The following RIOK1 variants were observed in gnomAD, a reference collection of about 807,000 sequenced individuals.
The protein encoded by RIOK1 is serine/threonine-protein kinase RIO1.
RIOK1 carries 66 observed loss-of-function variants against 73.5 expected under a neutral mutation model. The ratio of observed to expected loss-of-function variants is 0.90; its 90% CI spans 0.74 to 1.10. The LOEUF (loss-of-function observed/expected upper bound fraction) is 1.10, where lower values mean the gene tolerates loss of function less well. RIOK1 is among the 50% of genes least tolerant of loss of function. RIOK1 has a pLI of 0.00. For synonymous variants in RIOK1, 224 were observed against 226.8 expected (o/e 0.99, Z 0.11); for missense variants, 658 against 699.8 (o/e 0.94, Z 0.67).
intron 1 of RIOK1, among the ~76,000 whole-genome samples, chr6:7,390,498 A>C (rs546578014): frequency 1.2e-4 from 18 of 152,364 alleles, no homozygotes; most frequent in African/African-American, 4.1e-4. Flanking sequence ...AAGAGAGGGC[A>C]CACCATTTAA....
chr6:7,404,610 A>T, intron 10 of RIOK1, 55 bp downstream of exon 10: 1 of 1,578,612 alleles, frequency 6.3e-7, no homozygotes. Flanking sequence ...TGTCCTTTAA[A>T]ATGATAAACA....
intron 2 of RIOK1, among the ~76,000 whole-genome samples, chr6:7,394,615 G>C (rs1162179834): frequency 6.6e-6 from 1 of 152,170 alleles, no homozygotes; most frequent in South Asian, 2.1e-4. Flanking sequence ...TAGCACCAGC[G>C]TAAGTGCTGA....
chr6:7,417,453 T>C lies in RIOK1; in HGVS notation c.*12T>C. 6.9e-7 allele frequency: 1 copy of C among 1,446,620 alleles called. No homozygotes were observed. The highest frequency in any genetic ancestry group is 9.4e-7 in the Non-Finnish European group (1 of 1,067,330). 89.6% of individuals were successfully genotyped at this position (1,446,620 alleles called of 1,614,324 possible). On this transcript the variant is annotated 3_prime_UTR_variant, in exon 17 of 17. Transcript: ENST00000379834. ...AAAAAGGCAAATAGAATGAGAACCA[T>C]ATTATGTACAGTCATTTTCCTCAGT...
chr6:7,405,014 C>T lies in RIOK1; in HGVS notation c.1089C>T (p.Asn363=), dbSNP rs759988992. The part of the protein sequence containing the change: ...ALEFLRKDCA[N]VNDFFMRHSV... ...AGTTCTTGAGAAAGGATTGCGCCAA[C>T]GTCAATGGTGAGTAGAAACGGCAAT... The change falls in exon 11 of 17, where the codon AAC becomes AAT. Residue 363 remains asparagine (N), a synonymous_variant. Transcript: ENST00000379834. The T allele has an allele frequency of 2.5e-6, 4 of 1,613,422 alleles. No individual in the cohort carries two copies. Among genetic ancestry groups the T allele is most frequent in the South Asian group, 1.1e-5 (1 of 90,976 alleles).
At chr6:7,399,380 G>A (rs1000132764) in intron 5 of RIOK1, among the ~76,000 whole-genome samples, 57 of 152,050 alleles carry the variant, frequency 3.7e-4, no homozygotes, top group African/African-American at 1.4e-3. Flanking sequence ...ACAGAAGCCG[G>A]GTCTGTGGTC....
intron 3 of RIOK1, among the ~76,000 whole-genome samples, chr6:7,396,222 T>C (rs1412518665): frequency 2.6e-5 from 4 of 152,208 alleles, no homozygotes; most frequent in Admixed American, 6.5e-5. Context: ...CATCTTTCTA[T>C]TCTTGTGGAT....
Position 7,393,216 on chromosome 6 carries a change from T to C in RIOK1, c.189T>C (p.Tyr63=). 6.4e-7 allele frequency: 1 copy of C among 1,558,570 alleles called. No homozygotes were observed. Among genetic ancestry groups the C allele is most frequent in the Non-Finnish European group, 8.8e-7 (1 of 1,136,610 alleles). The part of the protein sequence containing the change: ...GEIEDEEEEG[Y]DDDDDDWDWD... ...TAGAAGATGAGGAGGAGGAGGGTTA[T>C]GACGATGATGATGATGACTGGGACT... The change falls in exon 2 of 17, where the codon TAT becomes TAC. Residue 63 remains tyrosine (Y), a synonymous_variant. Transcript: ENST00000379834.
chr6:7,406,145 C>T (rs1267597035), intron 12 of RIOK1, among the ~76,000 whole-genome samples: 9 of 151,854 alleles, frequency 5.9e-5, no homozygotes, highest in Admixed American at 3.3e-4. Context: ...TACAGGCACA[C>T]GCCACCACAC....
chr6:7,413,762 A>G (rs6925903), intron 15 of RIOK1, among the ~76,000 whole-genome samples: 8,335 of 152,314 alleles, frequency 0.055, 389 homozygotes, highest in African/African-American at 0.13. Flanking sequence ...GAAGCGCTGT[A>G]TTAGACAACT....
At chr6:7,404,783 G>A (rs1761703598) in intron 10 of RIOK1, 135 bp from the exon 11 acceptor site, 1 of 893,866 alleles carries the variant, frequency 1.1e-6, no homozygotes, top group South Asian at 1.6e-5. Context: ...CCATCTGTTA[G>A]TCAAGATTGC....
chr6:7,416,476 A>G (rs1237785024), intron 16 of RIOK1, among the ~76,000 whole-genome samples: 4 of 152,058 alleles, frequency 2.6e-5, no homozygotes, highest in African/African-American at 9.6e-5. Flanking sequence ...GTGAAACCCT[A>G]TCTCTACTAA....
At chr6:7,400,890 C>T (rs1055537866) in intron 5 of RIOK1, 68 bp from the exon 6 acceptor site, 1 of 878,962 alleles carries the variant, frequency 1.1e-6, no homozygotes, top group African/African-American at 1.7e-5. Flanking sequence ...TATTGATTGT[C>T]ACAGGTTTTA....
Position 7,393,218 on chromosome 6 carries a change from A to G in RIOK1, c.191A>G (p.Asp64Gly). 1 of 1,441,478 alleles carries G rather than the reference A, an allele frequency of 6.9e-7. No individual in the cohort carries two copies. The highest frequency in any genetic ancestry group is 9.4e-7 in the Non-Finnish European group (1 of 1,061,852). The allele number at this position is 1,441,478 out of a possible 1,614,324, so 89.3% of individuals were successfully genotyped here. Residue 64 changes from aspartate (D) to glycine (G), a missense_variant, in exon 2 of 17, where the codon GAC (aspartate) becomes GGC (glycine). Physicochemically the swap from Asp to Gly is moderately conservative, Grantham distance 94. Transcript: ENST00000379834. ...EIEDEEEEGY[D>G]DDDDDWDWDE... ...GAAGATGAGGAGGAGGAGGGTTATG[A>G]CGATGATGATGATGACTGGGACTGG...
chr6:7,409,842 C>G (rs894023307), intron 12 of RIOK1, among the ~76,000 whole-genome samples: 2 of 146,284 alleles, frequency 1.4e-5, no homozygotes, highest in Non-Finnish European at 3.0e-5. Context: ...TTTTTCCTTT[C>G]TTCTATATAG....
In RIOK1 at chr6:7,405,326, CAT is replaced by C; in HGVS notation, c.1175_1176del (p.His392ArgfsTer24). ...FEFVTDPSITHENMDAYLSKA... is the reference protein window; with the variant it reads ...FEFVTDPSITXENMDAYLSKA... ...ATTTGTCACAGATCCATCCATTACACATGAGAACATGGATGCTTATCTCTCAA... is the reference window on the plus strand; with the variant it reads ...ATTTGTCACAGATCCATCCATTACACGAGAACATGGATGCTTATCTCTCAA... On this transcript the variant is annotated frameshift_variant, in exon 12 of 17. Coordinates refer to ENST00000379834, the MANE Select transcript of RIOK1 (RefSeq NM_031480.3). LOFTEE classifies it high-confidence loss of function. 6.2e-7 allele frequency: 1 copy of C among 1,607,378 alleles called. No individual in the cohort carries two copies. Among genetic ancestry groups the C allele is most frequent in the Non-Finnish European group, 8.5e-7 (1 of 1,174,000 alleles).
At chr6:7,398,591 G>T in intron 4 of RIOK1, 107 bp from the exon 5 acceptor site, 1 of 788,180 alleles carries the variant, frequency 1.3e-6, no homozygotes, top group South Asian at 1.6e-5. Context: ...CTGTTATTTA[G>T]AGAAACTACC....
chr6:7,394,631 G>T (rs1203283447), intron 2 of RIOK1, among the ~76,000 whole-genome samples: 1 of 152,110 alleles, frequency 6.6e-6, no homozygotes, highest in Non-Finnish European at 1.5e-5. Flanking sequence ...GCTGAGCCTC[G>T]TACTTAATAT....
At chr6:7,414,582 C>A (rs894097690) in intron 16 of RIOK1, among the ~76,000 whole-genome samples, 192 bp downstream of exon 16, 3 of 152,170 alleles carry the variant, frequency 2.0e-5, no homozygotes, top group African/African-American at 4.8e-5. Context: ...GGCTGCTCAT[C>A]AGAGCACCTT....
intron 1 of RIOK1, among the ~76,000 whole-genome samples, chr6:7,392,245 A>C (rs1761359885): frequency 2.1e-5 from 1 of 48,202 alleles, no homozygotes; most frequent in African/African-American, 1.3e-4. Flanking sequence ...TAATATGGCA[A>C]AAAAAAAAAA....
Sources: allele counts gnomAD v4.1 joint callset (sites outside exome capture counted in the v4.1 genomes callset), GRCh38; gene constraint gnomAD v4.1.1; transcripts MANE v1.5; gene names NCBI Gene and HGNC (gene_info 2026-07-23, HGNC 2026-07-21).